PMM2: variants seen among roughly 807,000 people sequenced by gnomAD.
The protein encoded by PMM2 is phosphomannomutase 2, also known as mannose-6-phosphate isomerase.
In PMM2, 35 loss-of-function variants were observed where a neutral mutation model predicts 33.2. That is an observed-to-expected ratio of 1.06 (90% confidence interval 0.81 to 1.40). PMM2 has a LOEUF of 1.40. Ranked by LOEUF, PMM2 falls within the 40% of genes most tolerant of loss-of-function variation. The pLI, the probability that PMM2 is intolerant of heterozygous loss-of-function variation, is 0.00. For missense variants in PMM2, 386 were observed against 306.0 expected (o/e 1.26, Z -1.95); for synonymous variants, 153 against 114.7 (o/e 1.33, Z -2.13).
At chr16:8,810,294 A>G (rs539633380) in intron 4 of PMM2, 2 of 152,164 alleles carry the variant, frequency 1.3e-5, no homozygotes, top group Non-Finnish European at 2.9e-5. Flanking sequence ...GCTTGGTACT[A>G]TCAGTCTGTT....
intron 7 of PMM2, among the ~76,000 whole-genome samples, chr16:8,834,746 C>G (rs1459766019): frequency 4.3e-4 from 66 of 152,012 alleles, no homozygotes; most frequent in Non-Finnish European, 6.0e-4. Flanking sequence ...GCCTTTGCTG[C>G]TATGTGGCGA....
chr16:8,809,419 G>A (rs1178413585), intron 4 of PMM2: 1 of 152,114 alleles, frequency 6.6e-6, no homozygotes, highest in African/African-American at 2.4e-5. Context: ...TAAGAAACTG[G>A]GTGGTTTTCT....
chr16:8,834,781 A>G (rs1396836210), intron 7 of PMM2, among the ~76,000 whole-genome samples: 4 of 152,176 alleles, frequency 2.6e-5, no homozygotes, highest in Non-Finnish European at 5.9e-5. Context: ...ACCGCCATCA[A>G]TAAATCAAGC....
intron 7 of PMM2, among the ~76,000 whole-genome samples, chr16:8,841,611 G>A (rs1003624828): frequency 5.4e-5 from 8 of 147,252 alleles, no homozygotes; most frequent in African/African-American, 1.5e-4. Flanking sequence ...GCGGGCTAGT[G>A]GCTTGTACTA....
chr16:8,800,665 C>CTTTTTTTTTTT (rs35148703), intron 1 of PMM2, among the ~76,000 whole-genome samples: 6 of 126,644 alleles, frequency 4.7e-5, no homozygotes, highest in African/African-American at 1.4e-4. Flanking sequence ...TAAGCTTCTC[C>CTTTTTTTTTTT]TTTTTTTTTT....
chr16:8,845,445 C>G (rs74210745), intron 7 of PMM2, among the ~76,000 whole-genome samples: 21,965 of 152,066 alleles, frequency 0.14, 1,672 homozygotes, highest in East Asian at 0.24. Context: ...GGCTTGGGCT[C>G]AGAGGCCTGA....
At chr16:8,847,618 C>T (rs775232246) in intron 7 of PMM2, 106 bp from the exon 8 acceptor site, 52 of 798,646 alleles carry the variant, frequency 6.5e-5, no homozygotes, top group Non-Finnish European at 8.2e-5. Context: ...ACTCTCCCTG[C>T]CCAGTTAAAT....
chr16:8,803,263 C>T (rs1377677153), intron 2 of PMM2, among the ~76,000 whole-genome samples: 1 of 152,230 alleles, frequency 6.6e-6, no homozygotes, highest in Non-Finnish European at 1.5e-5. Flanking sequence ...CTCTCTTCCA[C>T]TTCCACTTCA....
intron 7 of PMM2, chr16:8,832,775 T>C (rs1284618180): frequency 1.7e-5 from 17 of 983,880 alleles, no homozygotes; most frequent in Non-Finnish European, 1.9e-5. Flanking sequence ...CTTACCACAA[T>C]CTGTGAGGCC....
intron 7 of PMM2, among the ~76,000 whole-genome samples, chr16:8,837,195 G>C (rs1042369559): frequency 6.6e-6 from 1 of 151,940 alleles, no homozygotes; most frequent in Non-Finnish European, 1.5e-5. Flanking sequence ...ACAGAGACTA[G>C]GAAGGGACTG....
At chr16:8,805,819 A>G (rs930089989) in intron 3 of PMM2, among the ~76,000 whole-genome samples, 23 of 152,074 alleles carry the variant, frequency 1.5e-4, no homozygotes, top group African/African-American at 4.8e-4. Context: ...CGAGCTCATG[A>G]CTTGAAGTCA....
chr16:8,806,428 G>C (rs371839553), intron 4 of PMM2, 21 bp downstream of exon 4: 8 of 1,472,152 alleles, frequency 5.4e-6, no homozygotes, highest in African/African-American at 1.4e-5. Context: ...TTTTAACAAA[G>C]AGGCGTCACA....
At position 8,811,625 on chromosome 16, in the gene PMM2, T is replaced by G; in HGVS notation, c.448-13T>G. 1 of 1,579,286 alleles carries G rather than the reference T, an allele frequency of 6.3e-7. No individual in the cohort carries two copies. The highest frequency in any genetic ancestry group is 8.7e-7 in the Non-Finnish European group (1 of 1,148,274). Reference sequence around the variant, plus strand: ...AATACAAGAAACAATTGGTATCTTTTTGTTTTTCTCAGAAAGAAAATATAA... The same window carrying G: ...AATACAAGAAACAATTGGTATCTTTGTGTTTTTCTCAGAAAGAAAATATAA... On this transcript the variant is annotated splice_polypyrimidine_tract_variant and intron_variant, in intron 5 of 7. Coordinates refer to ENST00000268261, the MANE Select transcript of PMM2 (RefSeq NM_000303.3).
At position 8,801,901 on chromosome 16, in the gene PMM2, G is replaced by C; in HGVS notation, c.169G>C (p.Gly57Arg). The change falls in exon 2 of 8, where the codon GGA becomes CGA. Residue 57 changes from glycine to arginine, a missense_variant. Physicochemically the swap from Gly to Arg is moderately radical, Grantham distance 125. Coordinates refer to ENST00000268261, the MANE Select transcript of PMM2 (RefSeq NM_000303.3). ...CTTTGAGAAAGTGCAGGAGCAACTG[G>C]GAAATGATGGTAAATGATGGGTTGC... ...SDFEKVQEQL[G>R]NDVVEKYDYV... 1 of 1,597,902 alleles carries C rather than the reference G, an allele frequency of 6.3e-7. No individual in the cohort carries two copies. The highest frequency in any genetic ancestry group is 8.6e-7 in the Non-Finnish European group (1 of 1,166,118).
intron 7 of PMM2, among the ~76,000 whole-genome samples, chr16:8,821,115 T>A (rs2060737107): frequency 6.6e-6 from 1 of 152,176 alleles, no homozygotes; most frequent in Non-Finnish European, 1.5e-5. Flanking sequence ...TGGGACCACA[T>A]GATTTGAGAC....
chr16:8,827,372 TTTTTTTTA>T, intron 7 of PMM2, among the ~76,000 whole-genome samples: 2 of 151,132 alleles, frequency 1.3e-5, no homozygotes, highest in Admixed American at 6.6e-5. Flanking sequence ...CACAAAGGCC[TTTTTTTTA>T]TTTTTTTATT....
At position 8,831,837 on chromosome 16, in the gene PMM2, G is replaced by A. The variant is rs570120131; in HGVS notation, c.640-15887G>A. Among the ~76,000 whole-genome samples, 7 of 152,206 alleles carry A rather than the reference G, an allele frequency of 4.6e-5. No homozygotes were observed. The East Asian group carries it at 7.7e-4, about 17-fold the overall frequency. ...CTATTAGGGATTTAAATATTAATGCGCGGATTTCACTGAGCCCTGGCCTCT... is the reference window on the plus strand; with the variant it reads ...CTATTAGGGATTTAAATATTAATGCACGGATTTCACTGAGCCCTGGCCTCT... On this transcript the variant is annotated intron_variant, in intron 7 of 7. Transcript: ENST00000268261.
intron 7 of PMM2, among the ~76,000 whole-genome samples, chr16:8,841,787 C>T (rs1393253418): frequency 1.7e-5 from 2 of 120,362 alleles, no homozygotes; most frequent in Admixed American, 1.6e-4. Flanking sequence ...GGTGTGGTAT[C>T]AGGAATAATG....
At chr16:8,825,896 C>T (rs1481180485) in intron 7 of PMM2, among the ~76,000 whole-genome samples, 2 of 151,820 alleles carry the variant, frequency 1.3e-5, no homozygotes, top group African/African-American at 2.4e-5. Context: ...GCTGGGACTA[C>T]AGGCGTGTGC....
Sources: allele counts gnomAD v4.1 joint callset (sites outside exome capture counted in the v4.1 genomes callset), GRCh38; gene constraint gnomAD v4.1.1; transcripts MANE v1.5; gene names NCBI Gene and HGNC (gene_info 2026-07-23, HGNC 2026-07-21).